FOSL1: variants seen among roughly 807,000 people sequenced by gnomAD.
The protein encoded by FOSL1 is FOS like 1, AP-1 transcription factor subunit.
In FOSL1, 14 loss-of-function variants were observed where a neutral mutation model predicts 24.9. That is an observed-to-expected ratio of 0.56 (90% CI 0.37 to 0.88). The LOEUF is 0.88. Ranked by LOEUF, FOSL1 falls within the 40% of genes least tolerant of loss-of-function variation. The pLI is 0.00. For missense variants in FOSL1, 318 were observed against 359.8 expected (o/e 0.88, Z 0.94); for synonymous variants, 133 against 145.1 (o/e 0.92, Z 0.60).
At chr11:65,900,413 T>C, upstream of FOSL1, 2 of 857,060 alleles carry the variant, frequency 2.3e-6, no homozygotes, top group Non-Finnish European at 3.1e-6. Flanking sequence ...GAGTCTTTTC[T>C]TTTTATGAAT....
At chr11:65,899,679 C>G (rs1485366993) in intron 1 of FOSL1, among the ~76,000 whole-genome samples, 1 of 152,236 alleles carries the variant, frequency 6.6e-6, no homozygotes. Context: ...CCGGACCCCC[C>G]TGGACTCCCC....
Position 65,893,143 on chromosome 11 carries a change from T to C in FOSL1, c.559A>G (p.Ser187Gly). The C allele has an allele frequency of 6.2e-7, 1 of 1,613,234 alleles. No homozygotes were observed. The highest frequency in any genetic ancestry group is 2.2e-5 in the East Asian group (1 of 44,880). ...GAKEGDTGST[S>G]GTSSPPAPCR... ...GGGGCTGGTGGGCTGCTGGTGCCAC[T>C]GGTACTGCCTGTGTCCCCCTCCTTG... The change falls in exon 4 of 4, where the codon AGT becomes GGT. Residue 187 changes from serine to glycine, a missense_variant. Physicochemically the swap from Ser to Gly is moderately conservative, Grantham distance 56. Coordinates refer to ENST00000312562, the MANE Select transcript of FOSL1 (RefSeq NM_005438.5).
rs1437239580 is a variant in FOSL1, at chr11:65,893,981, C to T, written c.405+33G>A. 2.7e-6 allele frequency: 4 copies of T among 1,473,550 alleles called. No individual in the cohort carries two copies. The South Asian group carries it at 4.8e-5, about 18-fold the overall frequency. The allele number at this position is 1,473,550 out of a possible 1,614,324, so 91.3% of individuals were successfully genotyped here. A position where few individuals can be genotyped will look rare whatever the true frequency, so the allele number is the denominator to read the frequency against. On this transcript the variant is annotated intron_variant, in intron 3 of 3. Coordinates refer to ENST00000312562, the MANE Select transcript of FOSL1 (RefSeq NM_005438.5). ...CTGGGGGCTCTGGGAGACAGGGTCCCTCTGAGCTCGGTGGACCAGGGCTGG... is the reference window on the plus strand; with the variant it reads ...CTGGGGGCTCTGGGAGACAGGGTCCTTCTGAGCTCGGTGGACCAGGGCTGG...
chr11:65,899,555 G>T (rs955358508), intron 1 of FOSL1, among the ~76,000 whole-genome samples: 1 of 152,222 alleles, frequency 6.6e-6, no homozygotes, highest in Admixed American at 6.5e-5. Context: ...GTGGGGTCGC[G>T]AGAGTCGCCC....
rs1411667938 is a variant in FOSL1 at position 65,900,266 on chromosome 11, G to C, written c.74C>G (p.Pro25Arg). 1 of 1,243,002 alleles carries C rather than the reference G, an allele frequency of 8.0e-7. No homozygotes were observed. Among genetic ancestry groups the C allele is most frequent in the Non-Finnish European group, 1.0e-6 (1 of 992,816 alleles). 77.0% of individuals were successfully genotyped at this position (1,243,002 alleles called of 1,614,324 possible). The stretch of plus-strand genomic sequence containing the variant: ...CTGCTGGGCTGCCTGCGCTGCGGCC[G>C]GGGGCTGCGCGGGGCCGCCGTACCC... ...GGGYGGPAQP[P>R]AAAQAAQQKF... Residue 25 changes from proline to arginine, a missense_variant, in exon 1 of 4, where the codon CCG becomes CGG. Coordinates refer to ENST00000312562, the MANE Select transcript of FOSL1 (RefSeq NM_005438.5).
intron 1 of FOSL1, among the ~76,000 whole-genome samples, chr11:65,898,973 A>AAAG (rs1290757104): frequency 7.5e-6 from 1 of 133,518 alleles, no homozygotes; most frequent in African/African-American, 2.7e-5. Flanking sequence ...AAAAAAAAAA[A>AAAG]AAAAGAAAAG....
chr11:65,895,373 C>G (rs1263815390), intron 2 of FOSL1, among the ~76,000 whole-genome samples: 5 of 152,114 alleles, frequency 3.3e-5, no homozygotes, highest in Non-Finnish European at 7.4e-5. Flanking sequence ...ATCCACCTTC[C>G]TTGGCCTCCC....
intron 3 of FOSL1, 85 bp from the exon 4 acceptor site, chr11:65,893,381 C>G: frequency 2.9e-5 from 18 of 617,974 alleles, no homozygotes; most frequent in East Asian, 9.7e-5. Flanking sequence ...TTCTGAGGAG[C>G]TGGGGTTGGG....
intron 1 of FOSL1, among the ~76,000 whole-genome samples, chr11:65,897,328 TTTTC>T (rs1023110068): frequency 6.6e-6 from 1 of 151,422 alleles, no homozygotes; most frequent in African/African-American, 2.4e-5. Flanking sequence ...CTTCATTTTC[TTTTC>T]TTTCTTTTTT....
At position 65,896,892 on chromosome 11, in the gene FOSL1, G is replaced by A. The variant is rs1175334251; in HGVS notation, c.214C>T (p.Gln72Ter). ...SSYPRPLTYPQYSPPQPRPGV... is the reference protein window; with the variant it reads ...SSYPRPLTYP ...GGCCGGGGTTGTGGGGGGCTGTACT[G>A]AGGGTAGGTCAGAGGCCTGGGGTAA... Residue 72 changes from glutamine to a stop codon, truncating the protein, a stop_gained, in exon 2 of 4, where the codon CAG becomes TAG. Coordinates refer to ENST00000312562, the MANE Select transcript of FOSL1 (RefSeq NM_005438.5). LOFTEE classifies it high-confidence loss of function. The A allele has an allele frequency of 6.2e-7, 1 of 1,614,020 alleles. No homozygotes were observed.
At chr11:65,896,062 C>G (rs1860518685) in intron 2 of FOSL1, among the ~76,000 whole-genome samples, 1 of 152,080 alleles carries the variant, frequency 6.6e-6, no homozygotes, top group African/African-American at 2.4e-5. Flanking sequence ...GACAGGGTCT[C>G]TCTATGTTGC....
chr11:65,895,528 C>T (rs752077796), intron 2 of FOSL1, among the ~76,000 whole-genome samples: 3 of 152,218 alleles, frequency 2.0e-5, no homozygotes, highest in Non-Finnish European at 4.4e-5. Flanking sequence ...AACTCACTCA[C>T]TCTATTCCAC....
chr11:65,899,345 G>A (rs2134808375), intron 1 of FOSL1, among the ~76,000 whole-genome samples: 1 of 152,346 alleles, frequency 6.6e-6, no homozygotes, highest in Non-Finnish European at 1.5e-5. Flanking sequence ...CCACTCCCGG[G>A]CCCGGGCCGC....
chr11:65,897,336 CTTTT>C (rs1402783388), intron 1 of FOSL1, among the ~76,000 whole-genome samples: 3 of 147,022 alleles, frequency 2.0e-5, no homozygotes, highest in African/African-American at 7.3e-5. Context: ...TCTTTTCTTT[CTTTT>C]TTTTCTTTTT....
chr11:65,898,962 G>GAAAAAAAAAAA (rs745881086), intron 1 of FOSL1, among the ~76,000 whole-genome samples: 12 of 31,032 alleles, frequency 3.9e-4, no homozygotes, highest in African/African-American at 6.1e-4. Context: ...CCCTGTCTCA[G>GAAAAAAAAAAA]AAAAAAAAAA....
At chr11:65,897,027 G>A in intron 1 of FOSL1, 21 bp from the exon 2 acceptor site, 1 of 1,595,032 alleles carries the variant, frequency 6.3e-7, no homozygotes, top group Non-Finnish European at 8.6e-7. Context: ...AGAAATGGAA[G>A]GCCACAGATG....
intron 1 of FOSL1, 33 bp downstream of exon 1, chr11:65,900,208 C>T (rs1860637510): frequency 4.5e-6 from 5 of 1,118,458 alleles, no homozygotes; most frequent in Middle Eastern, 6.6e-4. Context: ...GCGCGGTCCT[C>T]CCGTGGGACC....
At position 65,896,919 on chromosome 11, in the gene FOSL1, T is replaced by A; in HGVS notation, c.187A>T (p.Ser63Cys). 6.2e-7 allele frequency: 1 copy of A among 1,613,890 alleles called. No individual in the cohort carries two copies. Among genetic ancestry groups the A allele is most frequent in the Non-Finnish European group, 8.5e-7 (1 of 1,179,764 alleles). ...MVQPHFLGPSSYPRPLTYPQY... is the reference protein window; with the variant it reads ...MVQPHFLGPSCYPRPLTYPQY... ...GGGTAGGTCAGAGGCCTGGGGTAAC[T>A]GCTGGGCCCCAGGAAATGAGGCTGT... is the stretch of plus-strand genomic sequence containing the variant. Residue 63 changes from serine to cysteine, a missense_variant, in exon 2 of 4, where the codon AGT becomes TGT. Coordinates refer to ENST00000312562, the MANE Select transcript of FOSL1 (RefSeq NM_005438.5).
rs564056645 is a variant in FOSL1 at position 65,892,356 on chromosome 11, A to C, written c.*530T>G. The C allele has an allele frequency of 3.4e-6, 1 of 290,016 alleles. No individual in the cohort carries two copies. Among genetic ancestry groups the C allele is most frequent in the South Asian group, 2.9e-5 (1 of 34,906 alleles). The allele number at this position is 290,016 out of a possible 1,614,324, so 18.0% of individuals were successfully genotyped here. ...AAGGCTTCTCAAAGCTGAGATCCGC[A>C]GATCAGCTCATCACAGAAGCCAAGG... is the stretch of plus-strand genomic sequence containing the variant. On this transcript the variant is annotated 3_prime_UTR_variant, in exon 4 of 4. Transcript: ENST00000312562.
Sources: allele counts gnomAD v4.1 joint callset (sites outside exome capture counted in the v4.1 genomes callset), GRCh38; gene constraint gnomAD v4.1.1; transcripts MANE v1.5; gene names NCBI Gene and HGNC (gene_info 2026-07-23, HGNC 2026-07-21).